Variants in LSAMP observed in about 807,000 individuals in gnomAD.
LSAMP encodes limbic system-associated membrane protein.
In LSAMP, 7 loss-of-function variants were observed where a neutral mutation model predicts 38.6. The ratio of observed to expected loss-of-function variants is 0.18; its 90% CI spans 0.10 to 0.34. The LOEUF is 0.34. LSAMP is among the 10% of genes least tolerant of loss of function. The pLI, the probability that LSAMP is intolerant of heterozygous loss-of-function variation, is 1.00. For synonymous variants in LSAMP, 154 were observed against 166.8 expected, an observed-to-expected ratio of 0.92 and a Z score of 0.59; for missense variants, 313 against 420.0, an observed-to-expected ratio of 0.75 and a Z score of 2.23.
chr3:116,437,660 AGGGAGAGAAGGGAAG>A (rs1193776807), intron 1 of LSAMP, among the ~76,000 whole-genome samples: 1 of 151,498 alleles, frequency 6.6e-6, no homozygotes, highest in Non-Finnish European at 1.5e-5. Context: ...GGGAGGAGGA[AGGGAGAGAAGGGAAG>A]GGGAGAGGAG....
intron 1 of LSAMP, among the ~76,000 whole-genome samples, chr3:116,220,174 CTCCAT>C (rs2046264401): frequency 1.2e-5 from 1 of 83,306 alleles, no homozygotes; most frequent in Non-Finnish European, 2.7e-5. Flanking sequence ...CAGAGTGAGA[CTCCAT>C]CTCAAAACAC....
In LSAMP at chr3:116,445,057, G is replaced by A; in HGVS notation, c.-26C>T. The A allele has an allele frequency of 1.9e-6, 3 of 1,600,118 alleles. No individual in the cohort carries two copies. The highest frequency in any genetic ancestry group is 1.3e-5 in the African/African-American group (1 of 74,902). ...GGTGGCCACGCCGAGGTGCGGGTCC[G>A]CGGGGTGCTCTGGAGGGGTGCGCGC... On this transcript the variant is annotated 5_prime_UTR_variant, in exon 1 of 7. Transcript: ENST00000490035.
intron 1 of LSAMP, among the ~76,000 whole-genome samples, chr3:116,239,007 G>A (rs2046498678): frequency 6.6e-6 from 1 of 152,168 alleles, no homozygotes; most frequent in South Asian, 2.1e-4. Context: ...CAAGTTGAGA[G>A]TGCATTTAGC....
At chr3:116,218,574 G>T (rs1273729357) in intron 1 of LSAMP, among the ~76,000 whole-genome samples, 1 of 152,142 alleles carries the variant, frequency 6.6e-6, no homozygotes, top group Non-Finnish European at 1.5e-5. Context: ...ATAATGTACG[G>T]AGTTCACTGA....
intron 1 of LSAMP, among the ~76,000 whole-genome samples, chr3:116,181,269 C>T (rs191444854): frequency 6.6e-6 from 1 of 152,040 alleles, no homozygotes; most frequent in Admixed American, 6.6e-5. Context: ...ACAATTCAAA[C>T]ACCTTTAGTT....
chr3:115,970,183 C>A (rs944314356), intron 3 of LSAMP, among the ~76,000 whole-genome samples: 4 of 152,004 alleles, frequency 2.6e-5, no homozygotes, highest in Admixed American at 1.3e-4. Flanking sequence ...ATAAGACCAT[C>A]CTAAAGAATT....
intron 1 of LSAMP, among the ~76,000 whole-genome samples, chr3:116,121,445 A>G (rs1708873658): frequency 1.3e-5 from 2 of 152,332 alleles, no homozygotes; most frequent in South Asian, 4.1e-4. Context: ...ATAAATCTTT[A>G]AAAATAAATC....
At chr3:115,939,095 A>G (rs1449352160) in intron 3 of LSAMP, among the ~76,000 whole-genome samples, 1 of 152,218 alleles carries the variant, frequency 6.6e-6, no homozygotes, top group African/African-American at 2.4e-5. Flanking sequence ...TGAAAGTCAT[A>G]AAATGACTTG....
chr3:115,961,345 T>C (rs1009179189), intron 3 of LSAMP, among the ~76,000 whole-genome samples: 2 of 152,212 alleles, frequency 1.3e-5, no homozygotes, highest in Non-Finnish European at 2.9e-5. Flanking sequence ...ATGGAGAAAC[T>C]GGAGGACACT....
chr3:116,351,632 A>G (rs2048141422), intron 1 of LSAMP, among the ~76,000 whole-genome samples: 1 of 152,122 alleles, frequency 6.6e-6, no homozygotes, highest in South Asian at 2.1e-4. Flanking sequence ...TCCACTGGAA[A>G]CTACAGAATG....
Position 116,086,400 on chromosome 3 carries a change from A to G in LSAMP, c.312T>C (p.Tyr104=). ...CTGAGCAAGTGTAGGAACCCTCATC[A>G]TAGACATCCACCTTCTGGATTCGGA... ...YSLRIQKVDV[Y]DEGSYTCSVQ... is the part of the protein sequence containing the mutation. The change falls in exon 2 of 7, where the codon TAT becomes TAC. Residue 104 remains tyrosine, a synonymous_variant. Coordinates refer to ENST00000490035, the MANE Select transcript of LSAMP (RefSeq NM_002338.5). 1.2e-6 allele frequency: 2 copies of G among 1,614,072 alleles called. No individual in the cohort carries two copies. The highest frequency in any genetic ancestry group is 1.7e-6 in the Non-Finnish European group (2 of 1,180,004).
In LSAMP at chr3:116,118,402, C is replaced by T. The variant is rs76261331; in HGVS notation, c.156-31846G>A. Reference sequence around the variant, plus strand: ...GGTTCTCAGCTTTTCCCATTACTGGCTTACGCTTCAGCATTTTCACATCTG... The same window carrying T: ...GGTTCTCAGCTTTTCCCATTACTGGTTTACGCTTCAGCATTTTCACATCTG... On this transcript the variant is annotated intron_variant, in intron 1 of 6. Coordinates refer to ENST00000490035, the MANE Select transcript of LSAMP (RefSeq NM_002338.5). 8.0e-4 allele frequency among the ~76,000 whole-genome samples: 122 copies of T among 152,306 alleles called. No individual in the cohort carries two copies. The East Asian group carries it at 0.018, about 23-fold the overall frequency.
chr3:116,051,861 C>T (rs549197542), intron 2 of LSAMP, among the ~76,000 whole-genome samples: 7 of 152,014 alleles, frequency 4.6e-5, no homozygotes, highest in South Asian at 2.1e-4. Context: ...TTTTCCTCTG[C>T]GGATGGAGTA....
chr3:115,898,566 C>T (rs1936786813), intron 3 of LSAMP, among the ~76,000 whole-genome samples: 1 of 149,322 alleles, frequency 6.7e-6, no homozygotes, highest in Non-Finnish European at 1.5e-5. Context: ...ACTTTAGTAC[C>T]AATATATGAT....
chr3:116,012,136 C>T (rs986590137), intron 3 of LSAMP, among the ~76,000 whole-genome samples: 1 of 152,174 alleles, frequency 6.6e-6, no homozygotes, highest in Non-Finnish European at 1.5e-5. Flanking sequence ...GGTTAACTCC[C>T]AAATAAATCT....
In LSAMP at chr3:115,923,676, A is replaced by G. The variant is rs535045078; in HGVS notation, c.515-71059T>C. On this transcript the variant is annotated intron_variant, in intron 3 of 6. Coordinates refer to ENST00000490035, the MANE Select transcript of LSAMP (RefSeq NM_002338.5). ...TTCTCCTTTAAAGAAAATGTATATC[A>G]TTCCTGAATACACTACACTTCCATT... 3.9e-5 allele frequency among the ~76,000 whole-genome samples: 6 copies of G among 152,270 alleles called. No homozygotes were observed. In the East Asian group the frequency reaches 1.2e-3, roughly 29 times the overall value.
chr3:116,353,110 G>A (rs2048163721), intron 1 of LSAMP, among the ~76,000 whole-genome samples: 1 of 151,954 alleles, frequency 6.6e-6, no homozygotes, highest in Admixed American at 6.6e-5. Context: ...TCTGACCTCT[G>A]GATAATCAGG....
At chr3:116,165,279 C>T (rs941127172) in intron 1 of LSAMP, among the ~76,000 whole-genome samples, 2 of 151,984 alleles carry the variant, frequency 1.3e-5, no homozygotes, top group African/African-American at 4.8e-5. Context: ...TGCAGTTGTG[C>T]CCCCATCATT....
At chr3:116,091,236 G>T (rs766031122) in intron 1 of LSAMP, among the ~76,000 whole-genome samples, 4 of 152,190 alleles carry the variant, frequency 2.6e-5, no homozygotes, top group African/African-American at 7.2e-5. Flanking sequence ...CCGGCTCACC[G>T]GCGGCCAGAG....
Sources: allele counts gnomAD v4.1 joint callset (sites outside exome capture counted in the v4.1 genomes callset), GRCh38; gene constraint gnomAD v4.1.1; transcripts MANE v1.5; gene names NCBI Gene and HGNC (gene_info 2026-07-23, HGNC 2026-07-21).